Variants in CTNNA2 observed in about 807,000 individuals in gnomAD.
CTNNA2 encodes catenin alpha 2.
Under a neutral mutation model 101.0 loss-of-function variants are expected in CTNNA2, and 42 were observed. That is an observed-to-expected ratio of 0.42 (90% CI 0.32 to 0.54). The LOEUF (loss-of-function observed/expected upper bound fraction) is 0.54. Among genes scored for constraint, CTNNA2 ranks in the 20% least tolerant of loss-of-function variants. CTNNA2 has a pLI of 0.14. For missense variants in CTNNA2, 871 were observed against 1,223.1 expected, an observed-to-expected ratio of 0.71 and a Z score of 4.29; for synonymous variants, 450 against 456.4, an observed-to-expected ratio of 0.99 and a Z score of 0.18.
intron 7 of CTNNA2, among the ~76,000 whole-genome samples, chr2:80,175,887 G>A (rs868590887): frequency 1.8e-4 from 28 of 152,180 alleles, no homozygotes; most frequent in African/African-American, 6.3e-4. Flanking sequence ...TCGAGGGCAG[G>A]AAGCATCCAG....
At chr2:79,928,736 A>G (rs1049374233) in intron 7 of CTNNA2, among the ~76,000 whole-genome samples, 1 of 152,190 alleles carries the variant, frequency 6.6e-6, no homozygotes, top group Non-Finnish European at 1.5e-5. Context: ...CATACTTATC[A>G]GATAGGGTCA....
chr2:79,783,693 T>A (rs1047271108), intron 3 of CTNNA2, among the ~76,000 whole-genome samples: 1 of 152,164 alleles, frequency 6.6e-6, no homozygotes, highest in Non-Finnish European at 1.5e-5. Flanking sequence ...CTCCCTCTAC[T>A]ATGTTTCTCC....
intron 7 of CTNNA2, among the ~76,000 whole-genome samples, chr2:80,368,867 GTA>G (rs1553505682): frequency 5.3e-4 from 77 of 144,534 alleles, no homozygotes; most frequent in East Asian, 2.6e-3. Context: ...GTGTGTGTGT[GTA>G]TATATATATA....
At chr2:80,481,882 A>T (rs1406860205) in intron 9 of CTNNA2, among the ~76,000 whole-genome samples, 1 of 152,146 alleles carries the variant, frequency 6.6e-6, no homozygotes, top group African/African-American at 2.4e-5. Context: ...CCACAAACCT[A>T]GAAGGTAAAC....
chr2:79,679,487 C>A (rs1437726306), intron 2 of CTNNA2, among the ~76,000 whole-genome samples: 5 of 152,046 alleles, frequency 3.3e-5, no homozygotes, highest in Admixed American at 2.0e-4. Context: ...TCATGAAAGA[C>A]TTCCTGCTCT....
intron 8 of CTNNA2, among the ~76,000 whole-genome samples, chr2:80,405,355 C>T (rs1224230354): frequency 2.6e-5 from 4 of 151,906 alleles, no homozygotes; most frequent in Admixed American, 6.6e-5. Context: ...GTTAGAAAAC[C>T]CTAGTGGGTT....
chr2:79,565,931 G>C (rs955016597), intron 1 of CTNNA2, among the ~76,000 whole-genome samples: 10 of 151,978 alleles, frequency 6.6e-5, no homozygotes, highest in African/African-American at 2.4e-4. Context: ...AGGGGATTAA[G>C]ACTAGAGCCC....
chr2:80,040,348 C>G (rs1208597261), intron 7 of CTNNA2, among the ~76,000 whole-genome samples: 3 of 152,110 alleles, frequency 2.0e-5, no homozygotes, highest in African/African-American at 7.2e-5. Context: ...TGTGGGCAGA[C>G]TTGATTGATA....
intron 4 of CTNNA2, among the ~76,000 whole-genome samples, chr2:79,498,578 G>A (rs1015623716): frequency 6.6e-6 from 1 of 151,740 alleles, no homozygotes; most frequent in Non-Finnish European, 1.5e-5. Flanking sequence ...TATCTTAACC[G>A]CTGCCTCGGA....
At chr2:80,513,649 A>G (rs544151729) in intron 9 of CTNNA2, among the ~76,000 whole-genome samples, 3 of 152,368 alleles carry the variant, frequency 2.0e-5, no homozygotes, top group South Asian at 4.1e-4. Context: ...CACATGATAG[A>G]TGGAACGCAT....
At chr2:80,185,157 G>A (rs1038566088) in intron 7 of CTNNA2, among the ~76,000 whole-genome samples, 1 of 152,178 alleles carries the variant, frequency 6.6e-6, no homozygotes, top group African/African-American at 2.4e-5. Context: ...TTCACTCAGA[G>A]AAGATCCACT....
In CTNNA2 at chr2:79,744,561, G is replaced by A. The variant is rs1286475902; in HGVS notation, c.277G>A (p.Val93Ile). 2 of 1,613,884 alleles carry A rather than the reference G, an allele frequency of 1.2e-6. No individual in the cohort carries two copies. The highest frequency in any genetic ancestry group is 2.2e-5 in the East Asian group (1 of 44,860). Residue 93 changes from valine to isoleucine, a missense_variant, in exon 3 of 19, where the codon GTA becomes ATA. By Grantham distance (29) the Val-to-Ile change is conservative. Transcript: ENST00000402739. Reference protein sequence around the residue: ...QDLKEELVAAVEDVRKQGETM... With the variant: ...QDLKEELVAAIEDVRKQGETM... ...TCTCAAAGAAGAGTTGGTGGCTGCTGTAGAGGATGTGCGCAAACAAGGTAG... is the reference window on the plus strand; with the variant it reads ...TCTCAAAGAAGAGTTGGTGGCTGCTATAGAGGATGTGCGCAAACAAGGTAG...
At chr2:79,682,988 C>T (rs1683687745) in intron 2 of CTNNA2, among the ~76,000 whole-genome samples, 1 of 152,176 alleles carries the variant, frequency 6.6e-6, no homozygotes, top group Admixed American at 6.5e-5. Flanking sequence ...TTTATTAAAA[C>T]ACGAGTATTA....
Position 80,533,795 on chromosome 2 carries a change from G to A in CTNNA2, c.1291-11187G>A, listed in dbSNP as rs575346529. The stretch of plus-strand genomic sequence containing the variant: ...GGTTTTAGTTCCTCCATGTAAAGAT[G>A]GAGAAAACAAAATCCCCTGATGCCT... On this transcript the variant is annotated intron_variant, in intron 9 of 18. Coordinates refer to ENST00000402739, the MANE Select transcript of CTNNA2 (RefSeq NM_001282597.3). Among the ~76,000 whole-genome samples, 8 of 152,224 alleles carry A rather than the reference G, an allele frequency of 5.3e-5. No individual in the cohort carries two copies. In the South Asian group the frequency reaches 1.7e-3, roughly 32 times the overall value.
intron 2 of CTNNA2, among the ~76,000 whole-genome samples, chr2:79,289,105 G>T (rs1206696938): frequency 1.3e-5 from 2 of 152,164 alleles, no homozygotes; most frequent in African/African-American, 2.4e-5. Context: ...CTACAAGTCT[G>T]AGAGAATCTA....
rs191735654 is a variant in CTNNA2, at chr2:79,470,780, T to G, written c.-134-34274T>G. Among the ~76,000 whole-genome samples, 3 of 152,346 alleles carry G rather than the reference T, an allele frequency of 2.0e-5. No individual in the cohort carries two copies. The East Asian group carries it at 5.8e-4, about 29-fold the overall frequency. ...CAGATATTTCTTATTTTACTCTCAT[T>G]GATGTGGAACACTGTTTGTATAACT... On this transcript the variant is annotated intron_variant, in intron 4 of 21. Coordinates refer to the CTNNA2 transcript ENST00000466387.
intron 4 of CTNNA2, among the ~76,000 whole-genome samples, chr2:79,414,689 C>A (rs1678458016): frequency 6.6e-6 from 1 of 152,052 alleles, no homozygotes; most frequent in African/African-American, 2.4e-5. Flanking sequence ...ACAAGGTCTT[C>A]TCCTCTCATC....
chr2:79,478,100 T>TA (rs1451055818), intron 4 of CTNNA2, among the ~76,000 whole-genome samples: 3 of 152,142 alleles, frequency 2.0e-5, no homozygotes, highest in Non-Finnish European at 4.4e-5. Context: ...TACTTCAACT[T>TA]AAAAAAGGCA....
chr2:79,598,069 A>G (rs1229249025), intron 1 of CTNNA2, among the ~76,000 whole-genome samples: 1 of 152,214 alleles, frequency 6.6e-6, no homozygotes, highest in East Asian at 1.9e-4. Context: ...AGAATCATAC[A>G]GTATGTAGCC....
Sources: allele counts gnomAD v4.1 joint callset (sites outside exome capture counted in the v4.1 genomes callset), GRCh38; gene constraint gnomAD v4.1.1; transcripts MANE v1.5; gene names NCBI Gene and HGNC (gene_info 2026-07-23, HGNC 2026-07-21).